Variants in DOK5 observed in about 807,000 individuals in gnomAD.
DOK5 encodes downstream of tyrosine kinase 5.
Under a neutral mutation model 43.3 loss-of-function variants are expected in DOK5, and 27 were observed. That is an observed-to-expected ratio of 0.62 (90% confidence interval 0.46 to 0.86). The LOEUF is 0.86. DOK5 is among the 40% of genes least tolerant of loss of function. The pLI is 0.00. For missense variants in DOK5, 373 were observed against 392.9 expected (o/e 0.95, Z 0.43); for synonymous variants, 146 against 140.1 (o/e 1.04, Z -0.30).
intron 1 of DOK5, among the ~76,000 whole-genome samples, chr20:54,482,596 A>G (rs1981764101): frequency 6.6e-6 from 1 of 152,046 alleles, no homozygotes; most frequent in Non-Finnish European, 1.5e-5. Context: ...TCCTGGGTTC[A>G]ATCAATTCTC....
At chr20:54,543,894 G>C (rs1037894850) in intron 1 of DOK5, among the ~76,000 whole-genome samples, 3 of 152,118 alleles carry the variant, frequency 2.0e-5, no homozygotes, top group Non-Finnish European at 4.4e-5. Context: ...AGTATTTCCA[G>C]TTTTTCTCCA....
At chr20:54,490,909 T>C (rs569772094) in intron 1 of DOK5, among the ~76,000 whole-genome samples, 2 of 152,288 alleles carry the variant, frequency 1.3e-5, no homozygotes, top group South Asian at 4.1e-4. Context: ...CTCTCTAAGC[T>C]CTGGCTATAG....
At chr20:54,504,636 T>G (rs1237204266) in intron 1 of DOK5, among the ~76,000 whole-genome samples, 1 of 152,232 alleles carries the variant, frequency 6.6e-6, no homozygotes, top group Non-Finnish European at 1.5e-5. Context: ...GATGGTGTCA[T>G]GCTATCCTTG....
intron 1 of DOK5, among the ~76,000 whole-genome samples, chr20:54,544,618 C>G (rs566539912): frequency 1.3e-5 from 2 of 152,124 alleles, no homozygotes; most frequent in Non-Finnish European, 2.9e-5. Context: ...AACAGGAGAC[C>G]GGAGCCTCTG....
At chr20:54,536,030 C>G (rs6014046) in intron 1 of DOK5, among the ~76,000 whole-genome samples, 8,481 of 151,982 alleles carry the variant, frequency 0.056, 244 homozygotes, top group Middle Eastern at 0.075. Flanking sequence ...CTCAGCCATT[C>G]AAAAATAAAG....
intron 5 of DOK5, among the ~76,000 whole-genome samples, chr20:54,595,461 A>G (rs1450751596): frequency 6.6e-6 from 1 of 152,210 alleles, no homozygotes; most frequent in African/African-American, 2.4e-5. Context: ...GAAAAGATAT[A>G]TGGGTGACAA....
At chr20:54,568,806 T>C (rs1338669572) in intron 2 of DOK5, among the ~76,000 whole-genome samples, 1 of 151,934 alleles carries the variant, frequency 6.6e-6, no homozygotes, top group Non-Finnish European at 1.5e-5. Context: ...GGCGGGCGCC[T>C]GTAGTCCCAG....
intron 5 of DOK5, among the ~76,000 whole-genome samples, chr20:54,592,408 T>C (rs912278407): frequency 1.3e-5 from 2 of 152,164 alleles, no homozygotes; most frequent in Non-Finnish European, 2.9e-5. Context: ...ATTAACCAGA[T>C]AGTATAGTAA....
chr20:54,629,596 A>G (rs1978469738), intron 6 of DOK5, among the ~76,000 whole-genome samples: 1 of 152,216 alleles, frequency 6.6e-6, no homozygotes, highest in Non-Finnish European at 1.5e-5. Context: ...TGTTCTCTGT[A>G]AGGCCTTGTT....
At chr20:54,484,824 AG>A (rs1981865530) in intron 1 of DOK5, among the ~76,000 whole-genome samples, 2 of 152,164 alleles carry the variant, frequency 1.3e-5, no homozygotes, top group Admixed American at 1.3e-4. Context: ...GACTAGTCTC[AG>A]GCAACATAGT....
intron 1 of DOK5, among the ~76,000 whole-genome samples, chr20:54,537,570 C>T (rs1983999558): frequency 6.6e-6 from 1 of 152,042 alleles, no homozygotes; most frequent in East Asian, 1.9e-4. Flanking sequence ...TGGATGGGCT[C>T]AACATCAGAA....
intron 6 of DOK5, among the ~76,000 whole-genome samples, chr20:54,610,747 A>G (rs572685617): frequency 6.6e-6 from 1 of 152,344 alleles, no homozygotes; most frequent in South Asian, 2.1e-4. Context: ...ACTCAATCGT[A>G]AGGGTGTGTA....
At chr20:54,508,685 AT>A (rs1489617911) in intron 1 of DOK5, among the ~76,000 whole-genome samples, 4 of 152,018 alleles carry the variant, frequency 2.6e-5, no homozygotes, top group Non-Finnish European at 5.9e-5. Flanking sequence ...GGTTCAAGTG[AT>A]TCTCCTGTCT....
At chr20:54,596,702 C>T (rs1189056116) in intron 5 of DOK5, among the ~76,000 whole-genome samples, 1 of 152,188 alleles carries the variant, frequency 6.6e-6, no homozygotes, top group Non-Finnish European at 1.5e-5. Flanking sequence ...CATGTAAAGA[C>T]ACCTGGAATA....
At chr20:54,478,476 G>A (rs1300100010) in intron 1 of DOK5, among the ~76,000 whole-genome samples, 2 of 152,190 alleles carry the variant, frequency 1.3e-5, no homozygotes, top group East Asian at 3.9e-4. Context: ...AGTTCATGTT[G>A]AAATATGTGC....
intron 1 of DOK5, 127 bp downstream of exon 1, chr20:54,476,139 G>A: frequency 6.5e-7 from 1 of 1,535,392 alleles, no homozygotes; most frequent in South Asian, 1.2e-5. Context: ...GGCTTTCTCA[G>A]CCGAAACCCG....
At chr20:54,583,015 TC>T (rs1279526856) in intron 2 of DOK5, among the ~76,000 whole-genome samples, 1 of 152,090 alleles carries the variant, frequency 6.6e-6, no homozygotes, top group African/African-American at 2.4e-5. Flanking sequence ...ATTATAATCT[TC>T]TTTTTTAGTA....
At chr20:54,635,002 G>A (rs1712935137) in intron 6 of DOK5, among the ~76,000 whole-genome samples, 1 of 152,124 alleles carries the variant, frequency 6.6e-6, no homozygotes, top group Non-Finnish European at 1.5e-5. Flanking sequence ...AAGAACTCCT[G>A]TTCTCTGCTA....
intron 1 of DOK5, among the ~76,000 whole-genome samples, chr20:54,489,608 A>G (rs1441702737): frequency 1.3e-5 from 2 of 151,632 alleles, no homozygotes; most frequent in Non-Finnish European, 2.9e-5. Context: ...TTTTTGTTAA[A>G]TATGTGCATA....
Sources: allele counts gnomAD v4.1 joint callset (sites outside exome capture counted in the v4.1 genomes callset), GRCh38; gene constraint gnomAD v4.1.1; transcripts MANE v1.5; gene names NCBI Gene and HGNC (gene_info 2026-07-23, HGNC 2026-07-21).